TGFBR1: variants seen among roughly 807,000 people sequenced by gnomAD.
The protein encoded by TGFBR1 is TGF-beta receptor type-1.
Under a neutral mutation model 55.1 loss-of-function variants are expected in TGFBR1, and 20 were observed. That is an observed-to-expected ratio of 0.36 (90% CI 0.26 to 0.53). TGFBR1 has a LOEUF of 0.53. Among genes scored for constraint, TGFBR1 ranks in the 20% least tolerant of loss-of-function variants. The pLI is 0.91. For missense variants in TGFBR1, 385 were observed against 617.6 expected, an observed-to-expected ratio of 0.62 and a Z score of 3.99; for synonymous variants, 220 against 214.8, an observed-to-expected ratio of 1.02 and a Z score of -0.21.
At chr9:99,111,954 A>C (rs1287332029) in intron 1 of TGFBR1, among the ~76,000 whole-genome samples, 1 of 152,112 alleles carries the variant, frequency 6.6e-6, no homozygotes, top group Non-Finnish European at 1.5e-5. Flanking sequence ...GCCTTGCAGG[A>C]GGATAGGGCT....
intron 4 of TGFBR1, among the ~76,000 whole-genome samples, chr9:99,140,489 A>AAACAG (rs547378600): frequency 2.1e-3 from 320 of 151,906 alleles, no homozygotes; most frequent in African/African-American, 7.3e-3. Context: ...AAACAAAACA[A>AAACAG]AAAATAGTAA....
At chr9:99,146,691 A>G (rs902550920) in intron 7 of TGFBR1, 82 bp downstream of exon 7, 11 of 1,590,564 alleles carry the variant, frequency 6.9e-6, no homozygotes, top group Non-Finnish European at 9.5e-6. Flanking sequence ...ATTGAATGAA[A>G]TTATGTACAG....
chr9:99,152,547 T>TC lies in TGFBR1; in HGVS notation c.*3243dup, dbSNP rs1828006781. 1 of 230,134 alleles carries TC rather than the reference T, an allele frequency of 4.3e-6. No homozygotes were observed. The highest frequency in any genetic ancestry group is 1.8e-4 in the South Asian group (1 of 5,508). 14.3% of individuals were successfully genotyped at this position (230,134 alleles called of 1,614,324 possible). Reference sequence around the variant, plus strand: ...TAGTACATGCATGAGTTACCTTTTTTCTCTATGTCTGAGAACTGTCAGATT... The same window carrying TC: ...TAGTACATGCATGAGTTACCTTTTTTCCTCTATGTCTGAGAACTGTCAGATT... On this transcript the variant is annotated 3_prime_UTR_variant, in exon 9 of 9. Transcript: ENST00000374994.
At chr9:99,136,510 A>G (rs956275957) in intron 3 of TGFBR1, among the ~76,000 whole-genome samples, 3 of 152,232 alleles carry the variant, frequency 2.0e-5, no homozygotes, top group Non-Finnish European at 2.9e-5. Flanking sequence ...TCTACACTAA[A>G]CAACATAATT....
intron 4 of TGFBR1, among the ~76,000 whole-genome samples, chr9:99,140,044 A>G (rs1017482927): frequency 5.9e-5 from 9 of 152,232 alleles, no homozygotes; most frequent in African/African-American, 1.9e-4. Flanking sequence ...TATACATCCT[A>G]TTGCATCATA....
At position 99,153,888 on chromosome 9, in the gene TGFBR1, G is replaced by C. The variant is rs1828038467; in HGVS notation, c.*4583G>C. The C allele has an allele frequency of 4.7e-6, 1 of 213,276 alleles. No homozygotes were observed. The highest frequency in any genetic ancestry group is 1.9e-4 in the South Asian group (1 of 5,372). The allele number at this position is 213,276 out of a possible 1,614,324, so 13.2% of individuals were successfully genotyped here. On this transcript the variant is annotated 3_prime_UTR_variant, in exon 9 of 9. Transcript: ENST00000374994. The stretch of plus-strand genomic sequence containing the variant: ...TTAGGGGTGTGGGTCTTCCATTGGG[G>C]CATGATGGACCTGTCTACAGGTGAT...
At chr9:99,126,800 C>T (rs759700099) in intron 1 of TGFBR1, among the ~76,000 whole-genome samples, 4 of 152,118 alleles carry the variant, frequency 2.6e-5, no homozygotes, top group South Asian at 2.1e-4. Flanking sequence ...GTCTTTATTA[C>T]GATTGTGTCT....
chr9:99,130,542 C>T (rs1827192262), intron 2 of TGFBR1, among the ~76,000 whole-genome samples: 1 of 152,220 alleles, frequency 6.6e-6, no homozygotes, highest in Non-Finnish European at 1.5e-5. Flanking sequence ...CAGAATTTCC[C>T]ATTTCCATCA....
intron 1 of TGFBR1, among the ~76,000 whole-genome samples, chr9:99,113,557 G>C (rs1372985908): frequency 6.6e-6 from 1 of 152,176 alleles, no homozygotes; most frequent in African/African-American, 2.4e-5. Context: ...GCTGTAATTA[G>C]AGTCTAATCA....
intron 1 of TGFBR1, 67 bp downstream of exon 1, chr9:99,105,369 C>G (rs1011394508): frequency 1.0e-6 from 1 of 975,448 alleles, no homozygotes; most frequent in South Asian, 4.5e-5. Context: ...CTGGCTCGCT[C>G]CTGCTCTTTC....
At chr9:99,104,650 T>G (rs1199093852), upstream of TGFBR1, among the ~76,000 whole-genome samples, 2 of 151,978 alleles carry the variant, frequency 1.3e-5, no homozygotes, top group African/African-American at 4.8e-5. Flanking sequence ...TGGCATGTGC[T>G]GGGATTGCCA....
rs537109087 is a variant in TGFBR1 at position 99,141,038 on chromosome 9, G to A, written c.806-1498G>A. ...AGTTCCTTTATCTTCTCCTGATTTA[G>A]TTAATTCCACCCCCGGCAGCCCTTT... On this transcript the variant is annotated intron_variant, in intron 4 of 8. Coordinates refer to ENST00000374994, the MANE Select transcript of TGFBR1 (RefSeq NM_004612.4). Among the ~76,000 whole-genome samples, 3 of 152,196 alleles carry A rather than the reference G, an allele frequency of 2.0e-5. No homozygotes were observed. In the South Asian group the frequency reaches 6.2e-4, roughly 32 times the overall value.
chr9:99,119,461 G>T (rs1406554958), intron 1 of TGFBR1, among the ~76,000 whole-genome samples: 1 of 152,208 alleles, frequency 6.6e-6, no homozygotes, highest in African/African-American at 2.4e-5. Context: ...AGGGGTTGTG[G>T]GGAGTAGGGG....
intron 1 of TGFBR1, among the ~76,000 whole-genome samples, chr9:99,124,120 A>G (rs1332339717): frequency 6.6e-6 from 1 of 152,106 alleles, no homozygotes; most frequent in Non-Finnish European, 1.5e-5. Context: ...TTATCTATCT[A>G]ACAAATTGTA....
rs138248864 is a variant in TGFBR1, at chr9:99,151,103, C to T, written c.*1798C>T. 7.0e-5 allele frequency: 16 copies of T among 227,832 alleles called. No homozygotes were observed. The East Asian group carries it at 8.9e-4, about 13-fold the overall frequency. 14.1% of individuals were successfully genotyped at this position (227,832 alleles called of 1,614,324 possible). On this transcript the variant is annotated 3_prime_UTR_variant, in exon 9 of 9. Coordinates refer to ENST00000374994, the MANE Select transcript of TGFBR1 (RefSeq NM_004612.4). ...TTCTGATAATGTCTTATCTCTTATA[C>T]GTAGAATAAATTTGAAAGACTATTT... is the stretch of plus-strand genomic sequence containing the variant.
chr9:99,105,482 G>C (rs1335598946), intron 1 of TGFBR1, among the ~76,000 whole-genome samples, 180 bp downstream of exon 1: 2 of 149,764 alleles, frequency 1.3e-5, no homozygotes, highest in Non-Finnish European at 1.5e-5. Context: ...AACCGCAAGC[G>C]GGGAGCGGAG....
At chr9:99,138,115 G>A (rs1827499403) in intron 4 of TGFBR1, 26 bp downstream of exon 4, 1 of 1,584,814 alleles carries the variant, frequency 6.3e-7, no homozygotes, top group South Asian at 1.1e-5. Flanking sequence ...TTTTCCTTAT[G>A]TTATATATAA....
In TGFBR1 at chr9:99,131,083, A is replaced by G. The variant is rs1211060258; in HGVS notation, c.344-1426A>G. On this transcript the variant is annotated intron_variant, in intron 2 of 8. Transcript: ENST00000374994. ...AAAAAGGCATGAAATCATAAAGAAG[A>G]CAGAATACCAGGCAAAATTAATGAA... Among the ~76,000 whole-genome samples, 3 of 152,308 alleles carry G rather than the reference A, an allele frequency of 2.0e-5. No individual in the cohort carries two copies. In the East Asian group the frequency reaches 5.8e-4, roughly 29 times the overall value.
rs1827796397 is a variant in TGFBR1 at position 99,146,391 on chromosome 9, A to G, written c.1131-94A>G. On this transcript the variant is annotated intron_variant, in intron 6 of 8. Transcript: ENST00000374994. Reference sequence around the variant, plus strand: ...ATTTGTTATGTAATATTGTGTACATATGTCTATGTATAAAGAAATGTCTGA... The same window carrying G: ...ATTTGTTATGTAATATTGTGTACATGTGTCTATGTATAAAGAAATGTCTGA... 2.2e-6 allele frequency: 3 copies of G among 1,375,168 alleles called. No homozygotes were observed. The Admixed American group carries it at 5.0e-5, about 23-fold the overall frequency. 85.2% of individuals were successfully genotyped at this position (1,375,168 alleles called of 1,614,324 possible).
Sources: gnomAD v4.1 joint callset for allele counts (sites outside exome capture counted in the v4.1 genomes callset) on GRCh38, gnomAD v4.1.1 for gene constraint, MANE v1.5 for transcripts, NCBI Gene and HGNC (gene_info 2026-07-23, HGNC 2026-07-21) for gene names.